TIAM2: variants seen among roughly 807,000 people sequenced by gnomAD.
TIAM2 encodes TIAM Rac1 associated GEF 2, also known as rho guanine nucleotide exchange factor TIAM2.
TIAM2 carries 80 observed loss-of-function variants against 152.9 expected under a neutral mutation model. The ratio of observed to expected loss-of-function variants is 0.52; its 90% CI spans 0.44 to 0.63. The LOEUF is 0.63. TIAM2 is among the 30% of genes least tolerant of loss of function. The pLI is 0.00. For synonymous variants in TIAM2, 804 were observed against 838.0 expected (o/e 0.96, Z 0.70); for missense variants, 1,965 against 2,120.1 (o/e 0.93, Z 1.44).
At chr6:155,123,507 G>A (rs1275115455) in intron 2 of TIAM2, among the ~76,000 whole-genome samples, 2 of 152,138 alleles carry the variant, frequency 1.3e-5, no homozygotes, top group Admixed American at 6.5e-5. Flanking sequence ...AGTAGAGGAT[G>A]GGGGTCTCCT....
chr6:155,108,149 G>A (rs1778743309), intron 2 of TIAM2, among the ~76,000 whole-genome samples: 1 of 152,166 alleles, frequency 6.6e-6, no homozygotes, highest in African/African-American at 2.4e-5. Flanking sequence ...TCAGCATTAT[G>A]AGGTTATGAA....
chr6:155,107,875 C>T (rs1778736795), intron 2 of TIAM2, among the ~76,000 whole-genome samples: 1 of 152,208 alleles, frequency 6.6e-6, no homozygotes. Flanking sequence ...GTGTGCTCAT[C>T]AGCAGGGGCC....
intron 2 of TIAM2, among the ~76,000 whole-genome samples, chr6:155,104,373 C>T (rs576446439): frequency 1.1e-4 from 16 of 152,224 alleles, no homozygotes; most frequent in South Asian, 8.3e-4. Flanking sequence ...CCCCTGACCC[C>T]GCCCTGACTT....
intron 1 of TIAM2, among the ~76,000 whole-genome samples, chr6:155,057,203 T>G (rs1372349681): frequency 2.6e-5 from 4 of 151,454 alleles, no homozygotes; most frequent in Non-Finnish European, 5.9e-5. Context: ...TAATGTTTTT[T>G]TATTATTATT....
chr6:155,180,297 A>G (rs941301066), intron 12 of TIAM2, among the ~76,000 whole-genome samples: 18 of 152,180 alleles, frequency 1.2e-4, no homozygotes, highest in African/African-American at 4.1e-4. Context: ...AAAACAAAAC[A>G]AAACAAAAAA....
chr6:155,183,352 C>T lies in TIAM2; in HGVS notation c.2916C>T (p.Ala972=). Residue 972 remains alanine (A), a synonymous_variant, in exon 14 of 27, where the codon GCC becomes GCT. Coordinates refer to ENST00000682666, the MANE Select transcript of TIAM2 (RefSeq NM_012454.4). Reference sequence around the variant, plus strand: ...AGAGCGTCGGACTCACTCTGATTGCCCGGCCTCCGGACACAAAAGCAACCC... The same window carrying T: ...AGAGCGTCGGACTCACTCTGATTGCTCGGCCTCCGGACACAAAAGCAACCC... The part of the protein sequence containing the change: ...SEKSVGLTLI[A]RPPDTKATLC... 1 of 1,612,928 alleles carries T rather than the reference C, an allele frequency of 6.2e-7. No homozygotes were observed. The highest frequency in any genetic ancestry group is 1.1e-5 in the South Asian group (1 of 91,002).
At chr6:155,067,747 C>T (rs1344806221) in intron 1 of TIAM2, among the ~76,000 whole-genome samples, 9 of 151,988 alleles carry the variant, frequency 5.9e-5, no homozygotes, top group African/African-American at 1.9e-4. Flanking sequence ...CTCAGGTGGT[C>T]CTCCCACCTC....
At chr6:155,176,292 G>C (rs1429359239) in intron 9 of TIAM2, among the ~76,000 whole-genome samples, 1 of 152,170 alleles carries the variant, frequency 6.6e-6, no homozygotes, top group East Asian at 1.9e-4. Flanking sequence ...GGAGTGCAGT[G>C]GCATGATCTT....
At chr6:155,056,978 TTAGA>T (rs58784209) in intron 1 of TIAM2, among the ~76,000 whole-genome samples, 10,317 of 149,834 alleles carry the variant, frequency 0.069, 1,251 homozygotes, top group African/African-American at 0.24. Flanking sequence ...TTGAGGAGTA[TTAGA>T]TAGTTTGCTA....
intron 1 of TIAM2, among the ~76,000 whole-genome samples, chr6:155,074,522 A>G (rs536965634): frequency 6.6e-6 from 1 of 152,006 alleles, no homozygotes; most frequent in South Asian, 2.1e-4. Flanking sequence ...TAATTTTTAT[A>G]TTTTTAGTAG....
At chr6:155,096,956 G>A (rs531843766) in intron 2 of TIAM2, among the ~76,000 whole-genome samples, 10 of 152,164 alleles carry the variant, frequency 6.6e-5, no homozygotes, top group East Asian at 5.8e-4. Context: ...GTACTAATTC[G>A]CATTCCTTCA....
At chr6:155,150,457 T>C (rs755727301) in intron 7 of TIAM2, among the ~76,000 whole-genome samples, 22 of 152,130 alleles carry the variant, frequency 1.4e-4, no homozygotes, top group Admixed American at 3.3e-4. Flanking sequence ...GTGAAGGATT[T>C]CCAGGCTGGA....
intron 4 of TIAM2, among the ~76,000 whole-genome samples, chr6:155,133,252 C>T (rs1333934171): frequency 1.3e-5 from 2 of 152,070 alleles, no homozygotes; most frequent in African/African-American, 4.8e-5. Flanking sequence ...GAGGCAGAGG[C>T]AGGAGAATCG....
chr6:155,234,671 T>C (rs1309494384), intron 15 of TIAM2, among the ~76,000 whole-genome samples: 4 of 152,208 alleles, frequency 2.6e-5, no homozygotes, highest in Non-Finnish European at 5.9e-5. Context: ...TCCTAAAGTG[T>C]TGGGATTACA....
chr6:155,177,652 C>G (rs184802363), intron 10 of TIAM2, among the ~76,000 whole-genome samples: 1 of 152,314 alleles, frequency 6.6e-6, no homozygotes, highest in Admixed American at 6.5e-5. Context: ...TTTGGCAACA[C>G]TTAATCATGT....
At chr6:155,149,919 TAAA>T (rs11306248) in intron 7 of TIAM2, among the ~76,000 whole-genome samples, 1 of 134,034 alleles carries the variant, frequency 7.5e-6, no homozygotes, top group African/African-American at 2.8e-5. Flanking sequence ...AGACTCTGTA[TAAA>T]AAAAAAAAAA....
At chr6:155,226,495 C>T (rs919228024) in intron 15 of TIAM2, among the ~76,000 whole-genome samples, 5 of 152,016 alleles carry the variant, frequency 3.3e-5, no homozygotes, top group African/African-American at 1.2e-4. Context: ...CATGGTGAAA[C>T]CCCATCTCTA....
chr6:154,995,570 G>T lies in TIAM2; in HGVS notation c.-209+78G>T. On this transcript the variant is annotated intron_variant, in intron 1 of 26. Coordinates refer to ENST00000682666, the MANE Select transcript of TIAM2 (RefSeq NM_012454.4). This position sits in a 1 kb window ranked among gnomAD's most constrained non-coding sequence, Gnocchi z 5.2. ...CGGCGGCTCCAGGTCCCCTGCGGGC[G>T]GGGCGGCGCGCGGCCGGCGGTCCCC... is the stretch of plus-strand genomic sequence containing the variant. 1 of 151,454 alleles carries T rather than the reference G, an allele frequency of 6.6e-6. No individual in the cohort carries two copies. Among genetic ancestry groups the T allele is most frequent in the South Asian group, 2.1e-4 (1 of 4,820 alleles). 9.4% of individuals were successfully genotyped at this position (151,454 alleles called of 1,614,324 possible).
At chr6:155,230,897 G>A (rs1381184618) in intron 15 of TIAM2, among the ~76,000 whole-genome samples, 4 of 150,240 alleles carry the variant, frequency 2.7e-5, no homozygotes, top group Admixed American at 6.6e-5. Context: ...ACAGTGGAAC[G>A]ATCTTGGCTC....
Sources: gnomAD v4.1 joint callset for allele counts (sites outside exome capture counted in the v4.1 genomes callset) on GRCh38, gnomAD v4.1.1 for gene constraint, Gnocchi (gnomAD v3.1) non-coding constraint, MANE v1.5 for transcripts, NCBI Gene and HGNC (gene_info 2026-07-23, HGNC 2026-07-21) for gene names.